Variants in ANO6 observed in about 807,000 individuals in gnomAD.
ANO6 encodes the protein anoctamin 6, also known as anoctamin-6.
Under a neutral mutation model 117.5 loss-of-function variants are expected in ANO6, and 106 were observed. That is an observed-to-expected ratio of 0.90 (90% CI 0.77 to 1.06). ANO6 has a LOEUF of 1.06. ANO6 is among the 50% of genes least tolerant of loss of function. ANO6 has a pLI of 0.00. For missense variants in ANO6, 955 were observed against 1,121.1 expected, an observed-to-expected ratio of 0.85 and a Z score of 2.12; for synonymous variants, 367 against 385.1, an observed-to-expected ratio of 0.95 and a Z score of 0.55.
chr12:45,292,305 TGGGGAAAAGGGGAA>T (rs1939128438), intron 1 of ANO6, among the ~76,000 whole-genome samples: 1 of 152,010 alleles, frequency 6.6e-6, no homozygotes, highest in Admixed American at 6.6e-5. Context: ...AACTAGGGAC[TGGGGAAAAGGGGAA>T]GGGGAAATGG....
intron 8 of ANO6, among the ~76,000 whole-genome samples, chr12:45,366,724 A>G (rs544161460): frequency 1.3e-5 from 2 of 152,330 alleles, no homozygotes; most frequent in African/African-American, 4.8e-5. Context: ...TGATTATTAC[A>G]AATTGTGAAT....
At chr12:45,389,621 C>T (rs1942388927) in intron 11 of ANO6, among the ~76,000 whole-genome samples, 1 of 152,200 alleles carries the variant, frequency 6.6e-6, no homozygotes. Flanking sequence ...CACATACCCT[C>T]CCTTTGTTTA....
intron 18 of ANO6, 109 bp downstream of exon 18, chr12:45,421,382 T>C: frequency 9.3e-7 from 1 of 1,073,760 alleles, no homozygotes; most frequent in Non-Finnish European, 1.4e-6. Context: ...CTTTATAACT[T>C]CAGGATCAAT....
chr12:45,388,408 C>T, intron 11 of ANO6, 105 bp downstream of exon 11: 2 of 1,422,928 alleles, frequency 1.4e-6, no homozygotes, highest in Non-Finnish European at 2.0e-6. Flanking sequence ...AATATTGATA[C>T]CTGAGTTCCA....
At chr12:45,248,466 C>G (rs1273757710) in intron 1 of ANO6, among the ~76,000 whole-genome samples, 6 of 136,270 alleles carry the variant, frequency 4.4e-5, no homozygotes, top group Non-Finnish European at 4.6e-5. Context: ...CAGAGTTGCT[C>G]TCTGTCGCCC....
chr12:45,379,656 G>A (rs1942118807), intron 10 of ANO6, among the ~76,000 whole-genome samples: 1 of 152,042 alleles, frequency 6.6e-6, no homozygotes, highest in Non-Finnish European at 1.5e-5. Context: ...ATATACTAAT[G>A]GATGCTGATA....
rs374430407 is a variant in ANO6 at position 45,292,992 on chromosome 12, C to T, written c.71-9022C>T. ...GAACAGTGAGCAGTGGGCAGAGTGC[C>T]GGGGAGGCTCCTTTTTTATAAATAT... On this transcript the variant is annotated intron_variant, in intron 1 of 19. Transcript: ENST00000320560. The T allele has an allele frequency of 4.7e-4, 729 of 1,543,096 alleles. 4 individuals are homozygous for T. The highest frequency in any genetic ancestry group is 2.0e-3 in the African/African-American group (146 of 72,428).
chr12:45,354,685 A>T (rs989169615), intron 7 of ANO6, among the ~76,000 whole-genome samples: 7 of 152,232 alleles, frequency 4.6e-5, no homozygotes, highest in Admixed American at 4.6e-4. Context: ...GCTGATAAGT[A>T]CACAGAAAAC....
intron 2 of ANO6, among the ~76,000 whole-genome samples, chr12:45,329,830 A>G (rs1241887299): frequency 2.0e-5 from 3 of 152,090 alleles, no homozygotes; most frequent in African/African-American, 7.2e-5. Context: ...TATAGTCCTC[A>G]TTGAAAGTAA....
chr12:45,435,041 C>T (rs529217180), downstream of ANO6, among the ~76,000 whole-genome samples: 29 of 152,268 alleles, frequency 1.9e-4, no homozygotes, highest in East Asian at 5.6e-3. Context: ...AATATTCTTC[C>T]ACATCATCTC....
intron 2 of ANO6, among the ~76,000 whole-genome samples, chr12:45,326,423 G>A (rs1453125361): frequency 1.3e-5 from 2 of 152,084 alleles, no homozygotes; most frequent in Non-Finnish European, 2.9e-5. Context: ...AGTATGTTTT[G>A]AATCTAAAGA....
At chr12:45,338,117 C>T (rs1038839262) in intron 3 of ANO6, among the ~76,000 whole-genome samples, 1 of 152,012 alleles carries the variant, frequency 6.6e-6, no homozygotes, top group Non-Finnish European at 1.5e-5. Flanking sequence ...GCAAATTTGC[C>T]TCTCAACTTC....
At chr12:45,218,015 A>G (rs755422590) in intron 1 of ANO6, among the ~76,000 whole-genome samples, 11 of 152,312 alleles carry the variant, frequency 7.2e-5, no homozygotes, top group Non-Finnish European at 1.3e-4. Flanking sequence ...TTACCTATTG[A>G]GGCATCGTAT....
chr12:45,237,627 G>T (rs1402817612), intron 1 of ANO6, among the ~76,000 whole-genome samples: 1 of 152,058 alleles, frequency 6.6e-6, no homozygotes, highest in Non-Finnish European at 1.5e-5. Context: ...GTTACTGTAG[G>T]CTTGTAGTAT....
chr12:45,379,898 C>CT (rs528317221), intron 10 of ANO6, among the ~76,000 whole-genome samples: 59 of 152,280 alleles, frequency 3.9e-4, no homozygotes, highest in African/African-American at 1.4e-3. Flanking sequence ...GTATGATAAA[C>CT]TTTAAGTGCT....
intron 9 of ANO6, 104 bp downstream of exon 9, chr12:45,367,897 A>T (rs1941727285): frequency 1.2e-6 from 1 of 867,818 alleles, no homozygotes; most frequent in South Asian, 1.4e-5. Flanking sequence ...TGAGGAATTA[A>T]GATATTTTTC....
At chr12:45,440,088 G>C (rs753684545) in exon 20 of ANO6, 25 of 759,390 alleles carry the variant, frequency 3.3e-5, no homozygotes, top group Non-Finnish European at 9.1e-6. Flanking sequence ...AATCGTATTT[G>C]AGCTGCAACC....
At chr12:45,274,459 T>TTCTCAAA (rs1196465509) in intron 1 of ANO6, among the ~76,000 whole-genome samples, 2 of 152,062 alleles carry the variant, frequency 1.3e-5, no homozygotes, top group African/African-American at 4.8e-5. Context: ...ACACCTCGTA[T>TTCTCAAA]TCTCAAATTC....
At chr12:45,358,280 A>G (rs894951973) in intron 8 of ANO6, among the ~76,000 whole-genome samples, 10 of 152,156 alleles carry the variant, frequency 6.6e-5, no homozygotes, top group African/African-American at 2.4e-4. Context: ...GGATAGACAT[A>G]ATTACGCTTC....
Sources: allele counts gnomAD v4.1 joint callset (sites outside exome capture counted in the v4.1 genomes callset), GRCh38; gene constraint gnomAD v4.1.1; transcripts MANE v1.5; gene names NCBI Gene and HGNC (gene_info 2026-07-23, HGNC 2026-07-21).